The following NOX5 variants were observed in gnomAD, a reference collection of about 807,000 sequenced individuals.
The protein encoded by NOX5 is NADPH oxidase, EF-hand calcium binding domain 5.
NOX5 carries 76 observed loss-of-function variants against 85.7 expected under a neutral mutation model. That is an observed-to-expected ratio of 0.89 (90% CI 0.74 to 1.07). The LOEUF is 1.07. NOX5 is among the 50% of genes least tolerant of loss of function. The pLI, the probability that NOX5 is intolerant of heterozygous loss-of-function variation, is 0.00. For missense variants in NOX5, 973 were observed against 999.5 expected (o/e 0.97, Z 0.36); for synonymous variants, 405 against 401.4 (o/e 1.01, Z -0.11).
chr15:69,020,302 T>C (rs935131654), intron 1 of NOX5, among the ~76,000 whole-genome samples: 5 of 152,210 alleles, frequency 3.3e-5, no homozygotes, highest in African/African-American at 1.2e-4. Flanking sequence ...TTTTTACATA[T>C]GCAGATCTAC....
At chr15:69,040,574 A>G (rs1317767935) in intron 9 of NOX5, among the ~76,000 whole-genome samples, 2 of 152,178 alleles carry the variant, frequency 1.3e-5, no homozygotes, top group Non-Finnish European at 2.9e-5. Context: ...TTGTGGCTGC[A>G]TGGTATTCCA....
In NOX5 at chr15:69,049,065, G is replaced by C. The variant is rs1182235000; in HGVS notation, c.1999+7G>C. Reference sequence around the variant, plus strand: ...GCCGAGGAGGCTCAATACGGTAAGAGAGGGACAGGGCCTGAGGGCAGTAGG... The same window carrying C: ...GCCGAGGAGGCTCAATACGGTAAGACAGGGACAGGGCCTGAGGGCAGTAGG... On this transcript the variant is annotated splice_region_variant and intron_variant, in intron 14 of 15. Transcript: ENST00000388866. The C allele has an allele frequency of 6.2e-7, 1 of 1,604,760 alleles. No individual in the cohort carries two copies.
At chr15:69,024,746 T>C (rs1259308649) in intron 1 of NOX5, among the ~76,000 whole-genome samples, 2 of 152,166 alleles carry the variant, frequency 1.3e-5, no homozygotes, top group Non-Finnish European at 2.9e-5. Flanking sequence ...TTTGCTACTA[T>C]TTGCAGTTTC....
chr15:69,022,924 C>T (rs757243377), intron 1 of NOX5: 68 of 490,710 alleles, frequency 1.4e-4, no homozygotes, highest in East Asian at 1.8e-4. Flanking sequence ...TAAGTAGGGA[C>T]GAACAATCAT....
At chr15:69,017,262 A>G (rs897438456) in intron 1 of NOX5, among the ~76,000 whole-genome samples, 8 of 151,860 alleles carry the variant, frequency 5.3e-5, no homozygotes, top group Non-Finnish European at 1.2e-4. Context: ...AGCAGTTCTC[A>G]TGCCTCAGCC....
chr15:69,050,246 T>C (rs767944406), intron 14 of NOX5, among the ~76,000 whole-genome samples: 8 of 152,230 alleles, frequency 5.3e-5, no homozygotes, highest in Non-Finnish European at 1.2e-4. Context: ...AAAAAGAAAT[T>C]TAAAAATCAG....
At chr15:69,024,214 T>TA (rs1204628973) in intron 1 of NOX5, 4 of 152,082 alleles carry the variant, frequency 2.6e-5, no homozygotes, top group Non-Finnish European at 5.9e-5. Flanking sequence ...TGTCCTCACA[T>TA]AAAAAATGAG....
At chr15:69,015,874 C>T (rs926628261) in intron 1 of NOX5, among the ~76,000 whole-genome samples, 2 of 133,784 alleles carry the variant, frequency 1.5e-5, no homozygotes, top group Non-Finnish European at 3.0e-5. Flanking sequence ...TCTGCACAGG[C>T]AGTGAACGCC....
intron 1 of NOX5, among the ~76,000 whole-genome samples, chr15:69,016,310 C>A (rs1050360775): frequency 1.3e-5 from 2 of 152,212 alleles, no homozygotes; most frequent in East Asian, 1.9e-4. Context: ...CATCTCACCC[C>A]CCTCCTCCAC....
intron 10 of NOX5, among the ~76,000 whole-genome samples, chr15:69,043,219 G>T (rs932029909): frequency 2.0e-5 from 3 of 152,186 alleles, no homozygotes; most frequent in Non-Finnish European, 4.4e-5. Flanking sequence ...TGCACATAAA[G>T]TATTGCTTGA....
intron 1 of NOX5, chr15:69,023,018 C>A: frequency 2.0e-6 from 1 of 490,120 alleles, no homozygotes; most frequent in South Asian, 1.6e-5. Flanking sequence ...GAGGAATGTT[C>A]CATGGGCCTG....
At chr15:69,038,160 T>A (rs896109382) in intron 8 of NOX5, 1 of 152,750 alleles carries the variant, frequency 6.5e-6, no homozygotes, top group Middle Eastern at 3.4e-3. Context: ...GTCTAGGACG[T>A]CTCCCAGGTG....
At chr15:69,034,000 A>G (rs949382324) in intron 5 of NOX5, among the ~76,000 whole-genome samples, 2 of 151,916 alleles carry the variant, frequency 1.3e-5, no homozygotes, top group Admixed American at 1.3e-4. Context: ...GACCTCTAAG[A>G]GTTTTTGATC....
chr15:69,026,490 C>T lies in NOX5; in HGVS notation c.51-38C>T, dbSNP rs1043212141. ...CCATGAGACCTCATAAGGCTTTGGC[C>T]ACCCCAAGCCCATAAACCTGTTTCC... On this transcript the variant is annotated intron_variant, in intron 1 of 15. Transcript: ENST00000388866. 3 of 1,613,284 alleles carry T rather than the reference C, an allele frequency of 1.9e-6. No individual in the cohort carries two copies. In the African/African-American group the frequency reaches 4.0e-5, roughly 22 times the overall value.
chr15:69,043,066 T>A (rs1334068443), intron 10 of NOX5, among the ~76,000 whole-genome samples: 1 of 152,092 alleles, frequency 6.6e-6, no homozygotes, highest in Non-Finnish European at 1.5e-5. Flanking sequence ...AATCAGAAAA[T>A]CCCATCTCCA....
chr15:69,049,105 C>A, intron 14 of NOX5, 47 bp downstream of exon 14: 1 of 1,212,798 alleles, frequency 8.2e-7, no homozygotes, highest in Non-Finnish European at 1.2e-6. Context: ...GGGCAGGGGC[C>A]TTCAGCTTCT....
rs967581098 is a variant in NOX5 at position 69,060,378 on chromosome 15, G to A, written c.*3682G>A. The A allele has an allele frequency of 1.3e-5, 2 of 152,214 alleles. No homozygotes were observed. The highest frequency in any genetic ancestry group is 2.4e-5 in the African/African-American group (1 of 41,440). The allele number at this position is 152,214 out of a possible 1,614,324, so 9.4% of individuals were successfully genotyped here. ...ACAAACCTTTGCCCTCTGGGAGGCA[G>A]GGCACTGAGTCCTACACTTGCCTCT... On this transcript the variant is annotated 3_prime_UTR_variant, in exon 16 of 16. Transcript: ENST00000388866.
At position 69,031,850 on chromosome 15, in the gene NOX5, G is replaced by A. The variant is rs1182668885; in HGVS notation, c.620+38G>A. 1.9e-6 allele frequency: 3 copies of A among 1,558,190 alleles called. No individual in the cohort carries two copies. In the East Asian group the frequency reaches 6.9e-5, roughly 36 times the overall value. ...CTCGGGCATTGGCACTGTCCACGGC[G>A]GCGTTAGACTCCTGGTCGGAAGTGT... is the stretch of plus-strand genomic sequence containing the variant. On this transcript the variant is annotated intron_variant, in intron 4 of 15. Transcript: ENST00000388866.
At position 69,056,652 on chromosome 15, in the gene NOX5, C is replaced by G; in HGVS notation, c.2254C>G (p.His752Asp). The G allele has an allele frequency of 6.2e-7, 1 of 1,613,844 alleles. No individual in the cohort carries two copies. The change falls in exon 16 of 16, where the codon CAT (histidine) becomes GAT (aspartate). Residue 752 changes from histidine (H) to aspartate (D), a missense_variant. By Grantham distance (81) the His-to-Asp change is moderately conservative. Transcript: ENST00000388866. ...AGCTCTGGCCAAGGTGCTGAAGGGC[C>G]ATTGTGAGAAGTTCGGCTTCAGATT... Reference protein sequence around the residue: ...SPALAKVLKGHCEKFGFRFFQ... With the variant: ...SPALAKVLKGDCEKFGFRFFQ...
Sources: gnomAD v4.1 joint callset for allele counts (sites outside exome capture counted in the v4.1 genomes callset) on GRCh38, gnomAD v4.1.1 for gene constraint, MANE v1.5 for transcripts, NCBI Gene and HGNC (gene_info 2026-07-23, HGNC 2026-07-21) for gene names.